INPP4B: variants seen among roughly 807,000 people sequenced by gnomAD.
INPP4B encodes inositol polyphosphate-4-phosphatase type II B.
A neutral mutation model predicts 122.5 loss-of-function variants in INPP4B; 55 were observed. The observed-to-expected ratio is 0.45, with a 90% CI of 0.36 to 0.56. INPP4B has a LOEUF of 0.56. INPP4B is among the 20% of genes least tolerant of loss of function. INPP4B has a pLI of 0.00. For synonymous variants in INPP4B, 403 were observed against 388.7 expected, an observed-to-expected ratio of 1.04 and a Z score of -0.43; for missense variants, 1,000 against 1,097.7, an observed-to-expected ratio of 0.91 and a Z score of 1.26.
At chr4:142,605,180 C>T (rs1447985098) in intron 2 of INPP4B, among the ~76,000 whole-genome samples, 7 of 151,884 alleles carry the variant, frequency 4.6e-5, no homozygotes, top group East Asian at 1.9e-4. Flanking sequence ...TATCAATAAA[C>T]GGTGCTGGGA....
At chr4:142,072,291 A>G (rs1421111127) in intron 25 of INPP4B, among the ~76,000 whole-genome samples, 2 of 151,572 alleles carry the variant, frequency 1.3e-5, no homozygotes, top group Non-Finnish European at 2.9e-5. Flanking sequence ...AACAATGAGA[A>G]CACTTGGACA....
intron 1 of INPP4B, among the ~76,000 whole-genome samples, chr4:142,797,830 T>C (rs1362586941): frequency 6.6e-6 from 1 of 151,922 alleles, no homozygotes; most frequent in Admixed American, 6.6e-5. Flanking sequence ...TTTTCAGATA[T>C]TCAAGAATTC....
chr4:142,779,087 C>T (rs1425168616), intron 1 of INPP4B, among the ~76,000 whole-genome samples: 1 of 151,880 alleles, frequency 6.6e-6, no homozygotes, highest in Admixed American at 6.6e-5. Flanking sequence ...TGTTAACATG[C>T]CTCTGATTTT....
chr4:142,401,444 T>G (rs531026894), intron 7 of INPP4B, among the ~76,000 whole-genome samples: 1 of 152,276 alleles, frequency 6.6e-6, no homozygotes, highest in Middle Eastern at 3.4e-3. Flanking sequence ...ACCCAAATTT[T>G]TACCTTTTTT....
chr4:142,842,877 T>C (rs1581040103), intron 1 of INPP4B, among the ~76,000 whole-genome samples: 1 of 138,650 alleles, frequency 7.2e-6, no homozygotes, highest in African/African-American at 2.6e-5. Context: ...TATATATAAA[T>C]ATATATGATT....
At chr4:142,675,040 A>G (rs1023854370) in intron 2 of INPP4B, among the ~76,000 whole-genome samples, 2 of 152,106 alleles carry the variant, frequency 1.3e-5, no homozygotes, top group African/African-American at 4.8e-5. Flanking sequence ...GACATGAAAA[A>G]CCCTTCAAAA....
intron 1 of INPP4B, among the ~76,000 whole-genome samples, chr4:142,767,190 T>C (rs539187150): frequency 2.6e-5 from 4 of 152,322 alleles, no homozygotes; most frequent in Admixed American, 2.6e-4. Flanking sequence ...ATGTTTGCTC[T>C]GTCACTCTTT....
chr4:142,596,890 G>A (rs1161523828), intron 2 of INPP4B, among the ~76,000 whole-genome samples: 2 of 152,164 alleles, frequency 1.3e-5, no homozygotes, highest in African/African-American at 4.8e-5. Flanking sequence ...TTCACAATAC[G>A]CAGATTGAAG....
At chr4:142,646,573 C>G (rs1204230576) in intron 2 of INPP4B, among the ~76,000 whole-genome samples, 1 of 152,116 alleles carries the variant, frequency 6.6e-6, no homozygotes, top group East Asian at 1.9e-4. Flanking sequence ...TCAGACATGT[C>G]AGAATTCAAA....
At position 142,028,537 on chromosome 4, in the gene INPP4B, G is replaced by A; in HGVS notation, c.*245C>T. 2.2e-6 allele frequency: 1 copy of A among 461,224 alleles called. No individual in the cohort carries two copies. The highest frequency in any genetic ancestry group is 3.8e-6 in the Non-Finnish European group (1 of 260,106). 28.6% of individuals were successfully genotyped at this position (461,224 alleles called of 1,614,324 possible). ...TTTGTGAACCAATCTCAATCAGCTAGGCTCAACACATAGAAGCTTAGAACT... is the reference window on the plus strand; with the variant it reads ...TTTGTGAACCAATCTCAATCAGCTAAGCTCAACACATAGAAGCTTAGAACT... On this transcript the variant is annotated 3_prime_UTR_variant, in exon 26 of 26. Coordinates refer to ENST00000262992, the MANE Select transcript of INPP4B (RefSeq NM_001101669.3).
At chr4:142,768,320 C>G (rs1318289077) in intron 1 of INPP4B, among the ~76,000 whole-genome samples, 2 of 152,156 alleles carry the variant, frequency 1.3e-5, no homozygotes, top group African/African-American at 2.4e-5. Flanking sequence ...CAGTGTACTA[C>G]AGGCAGCAAA....
intron 2 of INPP4B, among the ~76,000 whole-genome samples, chr4:142,677,947 A>G (rs1032567033): frequency 2.6e-4 from 40 of 151,912 alleles, no homozygotes; most frequent in Admixed American, 9.2e-4. Flanking sequence ...TTTGTAACAA[A>G]CCTGCACGTT....
rs535081169 is a variant in INPP4B, at chr4:142,811,659, G to T, written c.-254+34550C>A. Among the ~76,000 whole-genome samples the T allele has an allele frequency of 7.2e-5, 11 of 152,260 alleles. 1 individual carries two copies. The highest frequency in any genetic ancestry group is 7.2e-4 in the Admixed American group (11 of 15,290). On this transcript the variant is annotated intron_variant, in intron 1 of 25. Transcript: ENST00000262992. ...TTATAGCACTTGGTAAGCAGTCTTA[G>T]ATATGTCACTTAGTTAGATTAGAAA...
At chr4:142,665,565 G>A (rs561717555) in intron 2 of INPP4B, among the ~76,000 whole-genome samples, 23 of 151,610 alleles carry the variant, frequency 1.5e-4, no homozygotes, top group African/African-American at 5.6e-4. Flanking sequence ...AATGATTGAT[G>A]TGTCAAAGAT....
chr4:142,299,525 T>G (rs1015083827), intron 9 of INPP4B, among the ~76,000 whole-genome samples: 2 of 151,678 alleles, frequency 1.3e-5, no homozygotes, highest in Non-Finnish European at 2.9e-5. Context: ...GTTTTTAGTT[T>G]TTTTTTTTTT....
intron 12 of INPP4B, among the ~76,000 whole-genome samples, chr4:142,225,724 A>G (rs755022440): frequency 6.6e-6 from 1 of 152,070 alleles, no homozygotes; most frequent in Non-Finnish European, 1.5e-5. Context: ...GCAGGAGAAA[A>G]AGAGAAAAAA....
chr4:142,137,908 A>G (rs938404896), intron 18 of INPP4B, among the ~76,000 whole-genome samples: 1 of 152,076 alleles, frequency 6.6e-6, no homozygotes, highest in African/African-American at 2.4e-5. Flanking sequence ...GAGGATGTGG[A>G]GAAATAGGAA....
chr4:142,634,566 G>A (rs1748679462), intron 2 of INPP4B, among the ~76,000 whole-genome samples: 3 of 151,998 alleles, frequency 2.0e-5, no homozygotes, highest in Admixed American at 2.0e-4. Flanking sequence ...CATATTAACA[G>A]CATATATAAG....
intron 23 of INPP4B, among the ~76,000 whole-genome samples, chr4:142,089,409 C>G (rs886906046): frequency 6.7e-6 from 1 of 149,592 alleles, no homozygotes; most frequent in Non-Finnish European, 1.5e-5. Flanking sequence ...TTGAAATTTG[C>G]TAACAGAGTA....
Sources: gnomAD v4.1 joint callset for allele counts (sites outside exome capture counted in the v4.1 genomes callset) on GRCh38, gnomAD v4.1.1 for gene constraint, MANE v1.5 for transcripts, NCBI Gene and HGNC (gene_info 2026-07-23, HGNC 2026-07-21) for gene names.